PHACTR2: variants seen among roughly 807,000 people sequenced by gnomAD.
PHACTR2 encodes chromosome 6 open reading frame 56.
In PHACTR2, 30 loss-of-function variants were observed where a neutral mutation model predicts 76.0. That is an observed-to-expected ratio of 0.39 (90% CI 0.30 to 0.54). The LOEUF (loss-of-function observed/expected upper bound fraction) is 0.54. PHACTR2 is among the 20% of genes least tolerant of loss of function. The pLI is 0.61. For synonymous variants in PHACTR2, 292 were observed against 292.5 expected, an observed-to-expected ratio of 1.00 and a Z score of 0.02; for missense variants, 696 against 781.1, an observed-to-expected ratio of 0.89 and a Z score of 1.30.
In PHACTR2 at chr6:143,652,803, T is replaced by C. The variant is rs571163945; in HGVS notation, c.13+44481T>C. Among the ~76,000 whole-genome samples, 7 of 152,334 alleles carry C rather than the reference T, an allele frequency of 4.6e-5. No individual in the cohort carries two copies. In the East Asian group the frequency reaches 1.3e-3, roughly 29 times the overall value. On this transcript the variant is annotated intron_variant, in intron 1 of 11. Coordinates refer to the PHACTR2 transcript ENST00000305766. The surrounding 1 kb of genome is among the most constrained non-coding windows in gnomAD (Gnocchi z 4.5). ...GCTGTCACACCTGGACCGCCTGCTC[T>C]GGTCATGTGTGTGTGTGATCTATAA...
rs1776823340 is a variant in PHACTR2 at position 143,654,955 on chromosome 6, C to G, written c.13+46633C>G. Among the ~76,000 whole-genome samples, 1 of 152,008 alleles carries G rather than the reference C, an allele frequency of 6.6e-6. No individual in the cohort carries two copies. Among genetic ancestry groups the G allele is most frequent in the Non-Finnish European group, 1.5e-5 (1 of 67,988 alleles). On this transcript the variant is annotated intron_variant, in intron 1 of 11. Coordinates refer to the PHACTR2 transcript ENST00000305766. This position sits in a 1 kb window ranked among gnomAD's most constrained non-coding sequence, Gnocchi z 4.6. Reference sequence around the variant, plus strand: ...GGTGGATCACCTGAGGTCAGGAGTTCAAGACCAGCCTGGCCAACATGGAGA... The same window carrying G: ...GGTGGATCACCTGAGGTCAGGAGTTGAAGACCAGCCTGGCCAACATGGAGA...
Position 143,556,631 on chromosome 6 carries a change from C to G in PHACTR2, c.217+19424C>G, listed in dbSNP as rs1354728162. On this transcript the variant is annotated intron_variant, in intron 1 of 11. Coordinates refer to the PHACTR2 transcript ENST00000367584. The surrounding 1 kb of genome is among the most constrained non-coding windows in gnomAD (Gnocchi z 4.3). ...AGCCCTAGAGCAGCAATTCAGCTTCCCAGCTTGGAGGACTCTAGGTTTGAA... is the reference window on the plus strand; with the variant it reads ...AGCCCTAGAGCAGCAATTCAGCTTCGCAGCTTGGAGGACTCTAGGTTTGAA... Among the ~76,000 whole-genome samples, 9 of 152,146 alleles carry G rather than the reference C, an allele frequency of 5.9e-5. No individual in the cohort carries two copies. Among genetic ancestry groups the G allele is most frequent in the Non-Finnish European group, 1.5e-5 (1 of 68,024 alleles).
In PHACTR2 at chr6:143,787,865, A is replaced by C. The variant is rs1775590128; in HGVS notation, c.1708-908A>C. Among the ~76,000 whole-genome samples, 1 of 152,206 alleles carries C rather than the reference A, an allele frequency of 6.6e-6. No homozygotes were observed. The highest frequency in any genetic ancestry group is 1.5e-5 in the Non-Finnish European group (1 of 68,030). ...GAGGAAATATATGAAAATGGGCCCT[A>C]TGGCTACAATAGAGGTCTAAGTCTA... On this transcript the variant is annotated intron_variant, in intron 10 of 12. Coordinates refer to ENST00000440869, the MANE Select transcript of PHACTR2 (RefSeq NM_001100164.2). The surrounding 1 kb of genome is among the most constrained non-coding windows in gnomAD (Gnocchi z 4.6).
At chr6:143,614,574 T>G (rs1008720579) in intron 1 of PHACTR2, among the ~76,000 whole-genome samples, 1 of 152,164 alleles carries the variant, frequency 6.6e-6, no homozygotes, top group African/African-American at 2.4e-5. Flanking sequence ...CAATCAAGCA[T>G]TCATACTTCC....
rs944202108 is a variant in PHACTR2, at chr6:143,652,570, G to A, written c.13+44248G>A. On this transcript the variant is annotated intron_variant, in intron 1 of 11. Coordinates refer to the PHACTR2 transcript ENST00000305766. This position sits in a 1 kb window ranked among gnomAD's most constrained non-coding sequence, Gnocchi z 4.5. The stretch of plus-strand genomic sequence containing the variant: ...TTTGTGAGTACACTTAAGTGTTTTT[G>A]TTTTCCACTATGCTAGGTCAGTTTT... 1.3e-5 allele frequency among the ~76,000 whole-genome samples: 2 copies of A among 152,216 alleles called. No individual in the cohort carries two copies. The highest frequency in any genetic ancestry group is 2.9e-5 in the Non-Finnish European group (2 of 68,042).
At chr6:143,613,025 G>T (rs1034638855) in intron 1 of PHACTR2, among the ~76,000 whole-genome samples, 9 of 152,206 alleles carry the variant, frequency 5.9e-5, no homozygotes, top group African/African-American at 2.2e-4. Context: ...CTGTCGCCCG[G>T]GAGTGCGGTG....
At chr6:143,615,237 A>G (rs1161788309) in intron 1 of PHACTR2, among the ~76,000 whole-genome samples, 1 of 152,230 alleles carries the variant, frequency 6.6e-6, no homozygotes, top group South Asian at 2.1e-4. Context: ...CTTTTGTAAC[A>G]ATAGCAAAAT....
At chr6:143,540,018 T>C (rs561055586) in intron 1 of PHACTR2, among the ~76,000 whole-genome samples, 2 of 152,118 alleles carry the variant, frequency 1.3e-5, no homozygotes, top group African/African-American at 4.8e-5. Context: ...TATGTCACCC[T>C]GGCTTGCTGC....
At position 143,791,629 on chromosome 6, in the gene PHACTR2, AT is replaced by A. The variant is rs568121216; in HGVS notation, c.1845+2726del. ...TATTCAGATTTCTGTACCCTTAGTT[AT>A]TTTTTTGTCAGTTTGATCCATCAGG... On this transcript the variant is annotated intron_variant, in intron 11 of 12. Coordinates refer to ENST00000440869, the MANE Select transcript of PHACTR2 (RefSeq NM_001100164.2). This position sits in a 1 kb window ranked among gnomAD's most constrained non-coding sequence, Gnocchi z 4.7. Among the ~76,000 whole-genome samples, 79 of 151,670 alleles carry A rather than the reference AT, an allele frequency of 5.2e-4. No individual in the cohort carries two copies. Among genetic ancestry groups the A allele is most frequent in the African/African-American group, 1.9e-3 (78 of 41,346 alleles).
intron 2 of PHACTR2, among the ~76,000 whole-genome samples, chr6:143,728,212 CT>C (rs1778620457): frequency 1.1e-5 from 1 of 91,898 alleles, no homozygotes; most frequent in Admixed American, 1.1e-4. Context: ...TTTTTTTTTT[CT>C]TTCTTTTTTT....
rs28630910 is a variant in PHACTR2 at position 143,711,862 on chromosome 6, T to A, written c.47-154T>A. The A allele has an allele frequency of 2.5e-3, 1,947 of 776,042 alleles. 23 individuals are homozygous for A. The African/African-American group carries it at 0.027, about 11-fold the overall frequency. The allele number at this position is 776,042 out of a possible 1,614,324, so 48.1% of individuals were successfully genotyped here. A position where few individuals can be genotyped will look rare whatever the true frequency, so the allele number is the denominator to read the frequency against. On this transcript the variant is annotated intron_variant, in intron 1 of 12. Coordinates refer to ENST00000440869, the MANE Select transcript of PHACTR2 (RefSeq NM_001100164.2). ...GATTGACTGATTGATATGAGGGAAG[T>A]CCTACCAGCTGTGAAATGGGACAAA...
intron 9 of PHACTR2, among the ~76,000 whole-genome samples, chr6:143,781,726 G>T (rs1330383271): frequency 6.6e-6 from 1 of 152,150 alleles, no homozygotes; most frequent in African/African-American, 2.4e-5. Flanking sequence ...ACCTAAGTAT[G>T]CATTTTTAAG....
chr6:143,635,493 T>G (rs1970351), intron 1 of PHACTR2, among the ~76,000 whole-genome samples: 90,634 of 152,088 alleles, frequency 0.6, 28,464 homozygotes, highest in Non-Finnish European at 0.71. Flanking sequence ...CTGCCGAGTT[T>G]TCCTTCTAAA....
In PHACTR2 at chr6:143,789,292, AC is replaced by A. The variant is rs1437255962; in HGVS notation, c.1845+383del. 1 of 166,104 alleles carries A rather than the reference AC, an allele frequency of 6.0e-6. No homozygotes were observed. The highest frequency in any genetic ancestry group is 2.4e-5 in the African/African-American group (1 of 42,104). The allele number at this position is 166,104 out of a possible 1,614,324, so 10.3% of individuals were successfully genotyped here. A position where few individuals can be genotyped will look rare whatever the true frequency, so the allele number is the denominator to read the frequency against. On this transcript the variant is annotated intron_variant, in intron 11 of 12. Transcript: ENST00000440869. This position sits in a 1 kb window ranked among gnomAD's most constrained non-coding sequence, Gnocchi z 5.1. The stretch of plus-strand genomic sequence containing the variant: ...GCACACTTTTAATAGAAATGACAAG[AC>A]AGCAAATAGTTTAGGCTATGTGGGC...
rs1376576548 is a variant in PHACTR2 at position 143,556,471 on chromosome 6, C to A, written c.217+19264C>A. Among the ~76,000 whole-genome samples, 1 of 152,146 alleles carries A rather than the reference C, an allele frequency of 6.6e-6. No individual in the cohort carries two copies. Among genetic ancestry groups the A allele is most frequent in the Non-Finnish European group, 1.5e-5 (1 of 68,016 alleles). On this transcript the variant is annotated intron_variant, in intron 1 of 11. Transcript: ENST00000367584. This position sits in a 1 kb window ranked among gnomAD's most constrained non-coding sequence, Gnocchi z 4.3. Reference sequence around the variant, plus strand: ...CAAAAATAAAAATTGAGGCATATAACAAAACCAGAAAGTACATTCATAACT... The same window carrying A: ...CAAAAATAAAAATTGAGGCATATAAAAAAACCAGAAAGTACATTCATAACT...
chr6:143,698,252 A>G lies in PHACTR2; in HGVS notation c.47-13764A>G, dbSNP rs1294005164. On this transcript the variant is annotated intron_variant, in intron 1 of 12. Coordinates refer to ENST00000440869, the MANE Select transcript of PHACTR2 (RefSeq NM_001100164.2). The surrounding 1 kb of genome is among the most constrained non-coding windows in gnomAD (Gnocchi z 4.3). Reference sequence around the variant, plus strand: ...ATTCTCTGGAATGCTTGCTTAACACACCTGTCATTTTAAAGAAAGAAACCA... The same window carrying G: ...ATTCTCTGGAATGCTTGCTTAACACGCCTGTCATTTTAAAGAAAGAAACCA... Among the ~76,000 whole-genome samples, 1 of 152,338 alleles carries G rather than the reference A, an allele frequency of 6.6e-6. No homozygotes were observed. Among genetic ancestry groups the G allele is most frequent in the South Asian group, 2.1e-4 (1 of 4,832 alleles).
intron 1 of PHACTR2, among the ~76,000 whole-genome samples, chr6:143,686,115 G>C (rs1042414817): frequency 1.4e-5 from 2 of 145,930 alleles, no homozygotes; most frequent in Non-Finnish European, 3.0e-5. Flanking sequence ...CTGGACGACA[G>C]AGTGAGATTC....
At chr6:143,719,081 C>G (rs548494740) in intron 2 of PHACTR2, among the ~76,000 whole-genome samples, 1 of 151,786 alleles carries the variant, frequency 6.6e-6, no homozygotes, top group South Asian at 2.1e-4. Context: ...CAGGGTTTCA[C>G]CATGTTAGCC....
In PHACTR2 at chr6:143,695,045, A is replaced by C. The variant is rs1258893700; in HGVS notation, c.46+16836A>C. Among the ~76,000 whole-genome samples, 2 of 152,196 alleles carry C rather than the reference A, an allele frequency of 1.3e-5. No individual in the cohort carries two copies. Among genetic ancestry groups the C allele is most frequent in the African/African-American group, 4.8e-5 (2 of 41,450 alleles). On this transcript the variant is annotated intron_variant, in intron 1 of 12. Coordinates refer to ENST00000440869, the MANE Select transcript of PHACTR2 (RefSeq NM_001100164.2). This position sits in a 1 kb window ranked among gnomAD's most constrained non-coding sequence, Gnocchi z 4.4. Reference sequence around the variant, plus strand: ...CACAAATAAGAATTGGGTGCATCAGAATCTAGTGACCCTAGGTCCTTTTGT... The same window carrying C: ...CACAAATAAGAATTGGGTGCATCAGCATCTAGTGACCCTAGGTCCTTTTGT...
Sources: allele counts gnomAD v4.1 joint callset (sites outside exome capture counted in the v4.1 genomes callset), GRCh38; gene constraint gnomAD v4.1.1; non-coding constraint Gnocchi (gnomAD v3.1); transcripts MANE v1.5; gene names NCBI Gene and HGNC (gene_info 2026-07-23, HGNC 2026-07-21).